ESRRG: variants seen among roughly 807,000 people sequenced by gnomAD.
The protein encoded by ESRRG is estrogen related receptor gamma, also known as estrogen-related receptor gamma.
Under a neutral mutation model 44.0 loss-of-function variants are expected in ESRRG, and 13 were observed. The ratio of observed to expected loss-of-function variants is 0.30; its 90% confidence interval spans 0.19 to 0.47. The LOEUF (loss-of-function observed/expected upper bound fraction) is 0.47, where lower values mean the gene tolerates loss of function less well. Among genes scored for constraint, ESRRG ranks in the 20% least tolerant of loss-of-function variants. ESRRG has a pLI of 1.00. For missense variants in ESRRG, 395 were observed against 580.6 expected (o/e 0.68, Z 3.29); for synonymous variants, 215 against 214.6 (o/e 1.00, Z -0.02).
chr1:216,656,347 C>G (rs1407391258), intron 2 of ESRRG, among the ~76,000 whole-genome samples: 1 of 152,144 alleles, frequency 6.6e-6, no homozygotes, highest in Admixed American at 6.6e-5. Flanking sequence ...GGAACCAAAT[C>G]AACATGGAAG....
chr1:217,061,685 C>A (rs946282055), intron 1 of ESRRG, among the ~76,000 whole-genome samples: 2 of 152,126 alleles, frequency 1.3e-5, no homozygotes, highest in Non-Finnish European at 2.9e-5. Context: ...CAGGGGAGAA[C>A]TAGAAAGACA....
intron 2 of ESRRG, among the ~76,000 whole-genome samples, chr1:216,924,480 G>T (rs1277432103): frequency 1.3e-5 from 2 of 152,004 alleles, no homozygotes; most frequent in Non-Finnish European, 2.9e-5. Context: ...CAGGGCTTTG[G>T]CTTCTTCTGG....
At chr1:216,805,806 G>C (rs144825603) in intron 2 of ESRRG, among the ~76,000 whole-genome samples, 1,665 of 150,418 alleles carry the variant, frequency 0.011, 36 homozygotes, top group African/African-American at 0.038. Flanking sequence ...ATTTGTTTTT[G>C]TTTCAGTCTG....
intron 2 of ESRRG, among the ~76,000 whole-genome samples, chr1:216,932,691 A>G (rs1319699696): frequency 2.1e-5 from 3 of 141,514 alleles, no homozygotes; most frequent in African/African-American, 7.9e-5. Context: ...CTGAGTAGCT[A>G]GGGATACAGG....
chr1:216,803,788 C>G (rs2094699076), intron 2 of ESRRG, among the ~76,000 whole-genome samples: 1 of 152,062 alleles, frequency 6.6e-6, no homozygotes, highest in Non-Finnish European at 1.5e-5. Flanking sequence ...TTGATTTTCT[C>G]TGATCCTTGT....
At chr1:216,625,856 C>G (rs937634235) in intron 3 of ESRRG, among the ~76,000 whole-genome samples, 6 of 152,170 alleles carry the variant, frequency 3.9e-5, no homozygotes, top group African/African-American at 1.4e-4. Context: ...TAGCCACTAT[C>G]CACTGTTTCT....
At chr1:216,864,287 G>A (rs1459126952) in intron 2 of ESRRG, 1 of 145,046 alleles carries the variant, frequency 6.9e-6, no homozygotes, top group African/African-American at 2.5e-5. Flanking sequence ...TATAGCTTTT[G>A]ATCACAATTT....
Position 216,904,211 on chromosome 1 carries a change from C to G in ESRRG, c.-14+35371G>C, listed in dbSNP as rs568044247. On this transcript the variant is annotated intron_variant, in intron 2 of 7. Coordinates refer to the ESRRG transcript ENST00000359162. ...ACTGCAGCTGCAATCATCACCCCCC[C>G]CAACTGATAATTAGTGAGTTAATAA... is the stretch of plus-strand genomic sequence containing the variant. Among the ~76,000 whole-genome samples, 48 of 151,266 alleles carry G rather than the reference C, an allele frequency of 3.2e-4. No homozygotes were observed. In the Middle Eastern group the frequency reaches 0.014, roughly 43 times the overall value.
At chr1:216,745,653 T>G (rs2091313232) in intron 2 of ESRRG, among the ~76,000 whole-genome samples, 1 of 152,192 alleles carries the variant, frequency 6.6e-6, no homozygotes, top group Non-Finnish European at 1.5e-5. Flanking sequence ...GCAGGCTGGT[T>G]AGCCAATTGA....
At chr1:216,765,908 G>T (rs889127369) in intron 2 of ESRRG, among the ~76,000 whole-genome samples, 14 of 152,278 alleles carry the variant, frequency 9.2e-5, no homozygotes, top group African/African-American at 3.4e-4. Flanking sequence ...CACAAATGGA[G>T]TATTACGGAT....
intron 3 of ESRRG, among the ~76,000 whole-genome samples, chr1:216,612,690 CT>C (rs2060839403): frequency 1.3e-5 from 2 of 152,174 alleles, no homozygotes; most frequent in African/African-American, 4.8e-5. Flanking sequence ...TTACTTTACA[CT>C]CCTCAAAATC....
At chr1:216,912,825 A>G (rs964921122) in intron 2 of ESRRG, among the ~76,000 whole-genome samples, 6 of 152,062 alleles carry the variant, frequency 3.9e-5, no homozygotes, top group African/African-American at 1.2e-4. Context: ...CCAACCATTA[A>G]TTGAAAATAT....
intron 2 of ESRRG, among the ~76,000 whole-genome samples, chr1:216,884,884 C>T (rs1176350315): frequency 1.3e-5 from 2 of 152,212 alleles, no homozygotes; most frequent in Non-Finnish European, 2.9e-5. Flanking sequence ...CCACATTCCA[C>T]ACACATGTTC....
At chr1:216,516,668 C>CACACAGAGAG (rs376701865) in intron 6 of ESRRG, among the ~76,000 whole-genome samples, 115 of 137,244 alleles carry the variant, frequency 8.4e-4, no homozygotes, top group African/African-American at 3.1e-3. Context: ...CACACACACA[C>CACACAGAGAG]AGAGAGAGAG....
chr1:216,761,155 A>G lies in ESRRG; in HGVS notation c.-13-83664T>C, dbSNP rs751468651. On this transcript the variant is annotated intron_variant, in intron 2 of 7. Coordinates refer to the ESRRG transcript ENST00000359162. ...AGATTTGCTTCCTGATAAACCTACT[A>G]CACAAATAAAAAAAAAAAATTTTCT... Among the ~76,000 whole-genome samples, 52 of 139,820 alleles carry G rather than the reference A, an allele frequency of 3.7e-4. 1 individual carries two copies. Among genetic ancestry groups the G allele is most frequent in the Non-Finnish European group, 6.2e-4 (38 of 61,420 alleles). 91.7% of individuals were successfully genotyped at this position (139,820 alleles called of 152,430 possible).
At chr1:217,001,668 C>A (rs992209240) in intron 1 of ESRRG, among the ~76,000 whole-genome samples, 10 of 151,994 alleles carry the variant, frequency 6.6e-5, no homozygotes, top group Non-Finnish European at 1.5e-4. Flanking sequence ...CAAGGAATAG[C>A]AAAGAGGCCA....
chr1:216,515,779 T>C (rs2044076334), intron 6 of ESRRG, among the ~76,000 whole-genome samples: 1 of 152,106 alleles, frequency 6.6e-6, no homozygotes, highest in Non-Finnish European at 1.5e-5. Flanking sequence ...GAAGTTCTTA[T>C]GACTCGAGCA....
At chr1:216,937,647 G>A (rs573872384) in intron 2 of ESRRG, among the ~76,000 whole-genome samples, 242 of 152,244 alleles carry the variant, frequency 1.6e-3, no homozygotes, top group African/African-American at 2.8e-3. Flanking sequence ...GGGGAGGAAG[G>A]GGGGAAGAAA....
At chr1:217,110,412 C>T (rs2092648402) in intron 1 of ESRRG, among the ~76,000 whole-genome samples, 1 of 152,138 alleles carries the variant, frequency 6.6e-6, no homozygotes, top group South Asian at 2.1e-4. Flanking sequence ...TGCCTGTTTG[C>T]CTCTTTCTTG....
Sources: gnomAD v4.1 joint callset for allele counts (sites outside exome capture counted in the v4.1 genomes callset) on GRCh38, gnomAD v4.1.1 for gene constraint, MANE v1.5 for transcripts, NCBI Gene and HGNC (gene_info 2026-07-23, HGNC 2026-07-21) for gene names.